TRA2A: variants seen among roughly 807,000 people sequenced by gnomAD.
The protein encoded by TRA2A is transformer-2 protein homolog alpha.
A neutral mutation model predicts 45.7 loss-of-function variants in TRA2A; 31 were observed. The observed-to-expected ratio is 0.68, with a 90% CI of 0.51 to 0.92. TRA2A has a LOEUF of 0.92. Among genes scored for constraint, TRA2A ranks in the 40% least tolerant of loss-of-function variants. TRA2A has a pLI of 0.00. For synonymous variants in TRA2A, 132 were observed against 126.2 expected (o/e 1.05, Z -0.31); for missense variants, 304 against 367.5 (o/e 0.83, Z 1.41).
intron 3 of TRA2A, among the ~76,000 whole-genome samples, chr7:23,513,600 A>T (rs766614411): frequency 1.9e-4 from 29 of 152,268 alleles, no homozygotes; most frequent in African/African-American, 7.0e-4. Flanking sequence ...CCTAGGCGAC[A>T]AGAGTGTTAG....
In TRA2A at chr7:23,507,228, C is replaced by T. The variant is rs1196786508; in HGVS notation, c.641+192G>A. 6 of 543,008 alleles carry T rather than the reference C, an allele frequency of 1.1e-5. No homozygotes were observed. In the East Asian group the frequency reaches 1.4e-4, roughly 13 times the overall value. The allele number at this position is 543,008 out of a possible 1,614,324, so 33.6% of individuals were successfully genotyped here. On this transcript the variant is annotated intron_variant, in intron 5 of 7. Coordinates refer to ENST00000297071, the MANE Select transcript of TRA2A (RefSeq NM_013293.5). ...TGATTCCTGTGCCTCAGCTCCCGAG[C>T]AGCTGGGATTACAGGCATGTGCCAC...
At chr7:23,520,437 T>C (rs2127998008) in intron 2 of TRA2A, among the ~76,000 whole-genome samples, 1 of 152,284 alleles carries the variant, frequency 6.6e-6, no homozygotes, top group African/African-American at 2.4e-5. Context: ...ATTTCTAAGC[T>C]CAAATTCTAG....
chr7:23,507,552 CAA>C lies in TRA2A; in HGVS notation c.526-19_526-18del. 1 of 1,553,880 alleles carries C rather than the reference CAA, an allele frequency of 6.4e-7. No individual in the cohort carries two copies. Among genetic ancestry groups the C allele is most frequent in the Non-Finnish European group, 8.9e-7 (1 of 1,125,876 alleles). On this transcript the variant is annotated intron_variant, in intron 4 of 7. Transcript: ENST00000297071. ...TTCCATAGCCTATAAAGAACAGGCA[CAA>C]AAAGTCACGTATAATTCACCAGTCT...
At chr7:23,514,581 C>T (rs1234291581) in intron 3 of TRA2A, among the ~76,000 whole-genome samples, 2 of 151,954 alleles carry the variant, frequency 1.3e-5, no homozygotes, top group East Asian at 3.9e-4. Context: ...ATTTAGACCT[C>T]CTCTCCTCCA....
At chr7:23,510,034 A>T (rs909786169) in intron 4 of TRA2A, among the ~76,000 whole-genome samples, 4 of 152,138 alleles carry the variant, frequency 2.6e-5, no homozygotes, top group Non-Finnish European at 5.9e-5. Context: ...CCTCATCTCC[A>T]AACAAACAAA....
intron 6 of TRA2A, 46 bp from the exon 7 acceptor site, chr7:23,505,859 C>A: frequency 8.5e-7 from 1 of 1,183,256 alleles, no homozygotes; most frequent in South Asian, 1.6e-5. Context: ...AATCACTCCA[C>A]TGAGGCAGAT....
intron 6 of TRA2A, 154 bp from the exon 7 acceptor site, chr7:23,505,967 T>C (rs1789316218): frequency 1.4e-6 from 1 of 715,288 alleles, no homozygotes; most frequent in Non-Finnish European, 2.3e-6. Context: ...CAGAAAAGTA[T>C]ATAGCACAAC....
intron 4 of TRA2A, among the ~76,000 whole-genome samples, chr7:23,512,152 T>A (rs776064655): frequency 4.0e-4 from 61 of 152,194 alleles, no homozygotes; most frequent in Non-Finnish European, 6.9e-4. Context: ...AGTGAAACTG[T>A]AGTCACTCCA....
intron 4 of TRA2A, among the ~76,000 whole-genome samples, chr7:23,511,043 C>A (rs1249525416): frequency 6.6e-6 from 1 of 151,994 alleles, no homozygotes; most frequent in Non-Finnish European, 1.5e-5. Context: ...CTGGCTTCTA[C>A]CCACCAGATG....
chr7:23,529,050 A>G (rs1259305747), intron 1 of TRA2A, among the ~76,000 whole-genome samples: 6 of 152,210 alleles, frequency 3.9e-5, no homozygotes, highest in Admixed American at 6.5e-5. Context: ...TACAGTTCTT[A>G]AAATTTTAGG....
At chr7:23,505,905 G>A in intron 6 of TRA2A, 92 bp from the exon 7 acceptor site, 1 of 807,018 alleles carries the variant, frequency 1.2e-6, no homozygotes, top group African/African-American at 1.8e-5. Flanking sequence ...AAATAATAAT[G>A]TACCTAAGGT....
chr7:23,506,482 C>G, intron 5 of TRA2A: 1 of 473,232 alleles, frequency 2.1e-6, no homozygotes, highest in Non-Finnish European at 3.6e-6. Flanking sequence ...ACTCTCAAAA[C>G]TATTAACTGC....
intron 2 of TRA2A, among the ~76,000 whole-genome samples, chr7:23,519,368 G>C (rs759378766): frequency 5.3e-5 from 8 of 151,950 alleles, no homozygotes; most frequent in Non-Finnish European, 1.2e-4. Flanking sequence ...TGGCGACAGA[G>C]TGAGACTCCG....
intron 1 of TRA2A, among the ~76,000 whole-genome samples, chr7:23,524,450 C>G (rs2127999579): frequency 6.6e-6 from 1 of 152,212 alleles, no homozygotes; most frequent in South Asian, 2.1e-4. Context: ...TCCCAAAGTG[C>G]TGGGATTACA....
intron 5 of TRA2A, chr7:23,506,627 T>C (rs1456143318): frequency 1.3e-5 from 3 of 230,792 alleles, no homozygotes; most frequent in Admixed American, 5.5e-5. Context: ...AATAAATAAA[T>C]GAATAAAAGG....
At chr7:23,531,117 C>T (rs1005960634) in intron 1 of TRA2A, 2 of 579,530 alleles carry the variant, frequency 3.5e-6, no homozygotes, top group Non-Finnish European at 4.4e-6. Context: ...GGGCTCCTTG[C>T]GTAGTTTCCC....
At chr7:23,518,821 A>C (rs1331960622) in intron 2 of TRA2A, among the ~76,000 whole-genome samples, 3 of 151,542 alleles carry the variant, frequency 2.0e-5, no homozygotes, top group African/African-American at 7.3e-5. Context: ...AGTTCCTGGG[A>C]ACTACGGGCC....
At chr7:23,506,392 C>T (rs2127990297) in intron 5 of TRA2A, 126 bp from the exon 6 acceptor site, 1 of 1,207,318 alleles carries the variant, frequency 8.3e-7, no homozygotes, top group Non-Finnish European at 1.1e-6. Context: ...GAAATTGCCT[C>T]CGTATCTCAT....
intron 5 of TRA2A, chr7:23,506,619 TAAATAAATGA>T (rs1428534063): frequency 4.2e-6 from 1 of 237,288 alleles, no homozygotes; most frequent in Non-Finnish European, 8.0e-6. Flanking sequence ...GGTAAATAAA[TAAATAAATGA>T]ATAAAAGGTG....
Sources: allele counts gnomAD v4.1 joint callset (sites outside exome capture counted in the v4.1 genomes callset), GRCh38; gene constraint gnomAD v4.1.1; transcripts MANE v1.5; gene names NCBI Gene and HGNC (gene_info 2026-07-23, HGNC 2026-07-21).